The following RPP25 variants were observed in gnomAD, a reference collection of about 807,000 sequenced individuals.
RPP25 encodes ribonuclease P protein subunit p25.
Under a neutral mutation model 4.4 loss-of-function variants are expected in RPP25, and 2 were observed. That is an observed-to-expected ratio of 0.45 (90% confidence interval 0.19 to 1.43). RPP25 has a LOEUF of 1.43. Ranked by LOEUF, RPP25 falls within the 40% of genes most tolerant of loss-of-function variation. The probability of loss-of-function intolerance (pLI) is 0.26; values close to 1 mark genes in which losing one functional copy is unlikely to be tolerated. For synonymous variants in RPP25, 144 were observed against 136.2 expected (o/e 1.06, Z -0.40); for missense variants, 319 against 293.8 (o/e 1.09, Z -0.63).
At position 74,956,311 on chromosome 15, in the gene RPP25, C is replaced by A; in HGVS notation, c.273G>T (p.Leu91=). Residue 91 remains leucine (L), a synonymous_variant, in exon 1 of 1, where the codon CTG becomes CTT. Transcript: ENST00000322177. ...GGTAGCGCAGCCGCGTGACCTGGTG[C>A]AGGCCCGCCAGGCGGCGCTTGAGGA... is the stretch of plus-strand genomic sequence containing the variant. ...AEILKRRLAG[L]HQVTRLRYRS... is the part of the protein sequence containing the mutation. 3 of 1,600,866 alleles carry A rather than the reference C, an allele frequency of 1.9e-6. No individual in the cohort carries two copies. Among genetic ancestry groups the A allele is most frequent in the Non-Finnish European group, 2.5e-6 (3 of 1,177,922 alleles).
Sources: allele counts gnomAD v4.1 joint callset, GRCh38; gene constraint gnomAD v4.1.1; transcripts MANE v1.5; gene names NCBI Gene and HGNC (gene_info 2026-07-23, HGNC 2026-07-21).